CEP63: variants seen among roughly 807,000 people sequenced by gnomAD.
CEP63 encodes the protein centrosomal protein 63, also known as centrosomal protein of 63 kDa.
In CEP63, 84 loss-of-function variants were observed where a neutral mutation model predicts 89.1. The observed-to-expected ratio is 0.94, with a 90% CI of 0.79 to 1.13. CEP63 has a LOEUF of 1.13. Ranked by LOEUF, CEP63 falls within the 50% of genes most tolerant of loss-of-function variation. The pLI, the probability that CEP63 is intolerant of heterozygous loss-of-function variation, is 0.00. For synonymous variants in CEP63, 267 were observed against 272.5 expected (o/e 0.98, Z 0.20); for missense variants, 838 against 813.3 (o/e 1.03, Z -0.37).
chr3:134,587,408 G>A (rs1001332365), intron 10 of CEP63, among the ~76,000 whole-genome samples: 2 of 152,144 alleles, frequency 1.3e-5, no homozygotes, highest in Non-Finnish European at 2.9e-5. Flanking sequence ...TGATGTTGAT[G>A]TTATTCCTTC....
the CEP63 span, among the ~76,000 whole-genome samples, chr3:134,736,697 T>C: frequency 5.9e-5 from 9 of 152,286 alleles, no homozygotes; most frequent in African/African-American, 2.2e-4. Context: ...CATTCATGGA[T>C]AGGAAAACTC....
the CEP63 span, chr3:134,625,100 A>C: frequency 6.2e-7 from 1 of 1,603,212 alleles, no homozygotes; most frequent in Non-Finnish European, 8.5e-7. Flanking sequence ...AGGTCCAGGG[A>C]CATGGATTTC....
the CEP63 span, among the ~76,000 whole-genome samples, chr3:134,702,756 A>T: frequency 1.3e-5 from 2 of 152,218 alleles, no homozygotes; most frequent in African/African-American, 4.8e-5. Context: ...GCAAGTCAAA[A>T]CCACAAAAAG....
At chr3:134,548,386 G>A (rs1296842848) in intron 9 of CEP63, among the ~76,000 whole-genome samples, 3 of 152,174 alleles carry the variant, frequency 2.0e-5, no homozygotes, top group African/African-American at 7.2e-5. Context: ...TTCCTTGGGT[G>A]TTAATTGAAT....
chr3:134,718,899 G>A, the CEP63 span, among the ~76,000 whole-genome samples: 2 of 152,154 alleles, frequency 1.3e-5, no homozygotes, highest in African/African-American at 2.4e-5. Context: ...TAGTTTCAGC[G>A]GCTGTGGTGA....
At chr3:134,641,735 CCG>C in the CEP63 span, among the ~76,000 whole-genome samples, 1 of 152,118 alleles carries the variant, frequency 6.6e-6, no homozygotes, top group Non-Finnish European at 1.5e-5. Flanking sequence ...GACCCCATAC[CCG>C]CACACACCCC....
At chr3:134,630,681 C>T in the CEP63 span, among the ~76,000 whole-genome samples, 2 of 152,178 alleles carry the variant, frequency 1.3e-5, no homozygotes, top group Non-Finnish European at 2.9e-5. Flanking sequence ...TCCAGACTGG[C>T]CACTGGGTGG....
rs1553774709 is a variant in CEP63, at chr3:134,544,636, T to TTG, written c.556-950_556-949insTG. Among the ~76,000 whole-genome samples the TTG allele has an allele frequency of 4.8e-5, 7 of 145,328 alleles. No individual in the cohort carries two copies. The Middle Eastern group carries it at 0.011, about 219-fold the overall frequency. ...CAGAATAATTACAACATGCTCTAGG[T>TTG]GGGGGGGGGAATTTAAACTACAAAT... On this transcript the variant is annotated intron_variant, in intron 6 of 14. Coordinates refer to ENST00000675561, the MANE Select transcript of CEP63 (RefSeq NM_001353108.3).
the CEP63 span, among the ~76,000 whole-genome samples, chr3:134,698,564 C>G: frequency 1.3e-5 from 2 of 152,176 alleles, no homozygotes; most frequent in African/African-American, 4.8e-5. Flanking sequence ...AAGTTTGCAG[C>G]TGCTGCCTGT....
chr3:134,609,223 C>T, the CEP63 span, among the ~76,000 whole-genome samples: 1 of 152,178 alleles, frequency 6.6e-6, no homozygotes, highest in Non-Finnish European at 1.5e-5. Context: ...CTCCATCTAC[C>T]CCAACCTGTT....
chr3:134,688,063 T>C, the CEP63 span, among the ~76,000 whole-genome samples: 1 of 152,372 alleles, frequency 6.6e-6, no homozygotes, highest in Admixed American at 6.5e-5. Context: ...CACTTCTGTG[T>C]ATCTATCCAA....
chr3:134,680,672 C>A, the CEP63 span, among the ~76,000 whole-genome samples: 1 of 152,172 alleles, frequency 6.6e-6, no homozygotes, highest in African/African-American at 2.4e-5. Context: ...CTAAAGCCCC[C>A]ACCAACCTCT....
the CEP63 span, among the ~76,000 whole-genome samples, chr3:134,718,877 A>G: frequency 1.3e-5 from 2 of 152,208 alleles, no homozygotes; most frequent in Non-Finnish European, 2.9e-5. Flanking sequence ...TAAGATTCCA[A>G]GATTCCATTC....
At chr3:134,591,301 G>A (rs1169500631), downstream of CEP63, among the ~76,000 whole-genome samples, 2 of 152,182 alleles carry the variant, frequency 1.3e-5, no homozygotes, top group East Asian at 3.8e-4. Flanking sequence ...TGGAAGACCT[G>A]TTTGTCTCTA....
intron 3 of CEP63, among the ~76,000 whole-genome samples, chr3:134,528,569 C>CGTGCGT (rs1553763960): frequency 6.8e-6 from 1 of 147,132 alleles, no homozygotes; most frequent in South Asian, 2.2e-4. Flanking sequence ...TGTGTGTGTG[C>CGTGCGT]GTGTGTGTGT....
At chr3:134,735,995 A>G in the CEP63 span, among the ~76,000 whole-genome samples, 1 of 152,132 alleles carries the variant, frequency 6.6e-6, no homozygotes, top group African/African-American at 2.4e-5. Flanking sequence ...GCACTTAAGA[A>G]AATAGGTTGA....
Position 134,547,385 on chromosome 3 carries a change from G to A in CEP63, c.980G>A (p.Gly327Glu). The change falls in exon 9 of 15, where the codon GGG (glycine) becomes GAG (glutamate). Residue 327 changes from glycine to glutamate, a missense_variant. Physicochemically the swap from Gly to Glu is moderately conservative, Grantham distance 98. Coordinates refer to ENST00000675561, the MANE Select transcript of CEP63 (RefSeq NM_001353108.3). ...AEKKYTSQGQGDLDSVLSQLN... is the reference protein window; with the variant it reads ...AEKKYTSQGQEDLDSVLSQLN... Reference sequence around the variant, plus strand: ...AAGAAGTACACCTCTCAAGGGCAGGGGGACTTAGACAGTGTGCTCTCCCAG... The same window carrying A: ...AAGAAGTACACCTCTCAAGGGCAGGAGGACTTAGACAGTGTGCTCTCCCAG... 6.2e-7 allele frequency: 1 copy of A among 1,613,580 alleles called. No homozygotes were observed.
At chr3:134,762,769 C>A in the CEP63 span, among the ~76,000 whole-genome samples, 1 of 152,216 alleles carries the variant, frequency 6.6e-6, no homozygotes, top group African/African-American at 2.4e-5. Flanking sequence ...GGTTAAGCCA[C>A]CCACTTTGTG....
At chr3:134,646,880 G>A in the CEP63 span, among the ~76,000 whole-genome samples, 4 of 152,180 alleles carry the variant, frequency 2.6e-5, no homozygotes, top group Non-Finnish European at 5.9e-5. Context: ...ATAGAATAAA[G>A]CCCATTATAC....
Sources: gnomAD v4.1 joint callset for allele counts (sites outside exome capture counted in the v4.1 genomes callset) on GRCh38, gnomAD v4.1.1 for gene constraint, MANE v1.5 for transcripts, NCBI Gene and HGNC (gene_info 2026-07-23, HGNC 2026-07-21) for gene names.